OXR1: variants seen among roughly 807,000 people sequenced by gnomAD.
OXR1 encodes oxidation resistance 1, also known as oxidation resistance protein 1.
In OXR1, 41 loss-of-function variants were observed where a neutral mutation model predicts 104.6. That is an observed-to-expected ratio of 0.39 (90% CI 0.31 to 0.51). OXR1 has a LOEUF of 0.51. Among genes scored for constraint, OXR1 ranks in the 20% least tolerant of loss-of-function variants. The probability of loss-of-function intolerance (pLI) is 0.77; values close to 1 mark genes in which losing one functional copy is unlikely to be tolerated. For missense variants in OXR1, 955 were observed against 1,031.9 expected (o/e 0.93, Z 1.02); for synonymous variants, 348 against 348.4 (o/e 1.00, Z 0.01).
At chr8:106,536,226 AAAAGAAAGAAAG>A (rs144607017) in intron 3 of OXR1, among the ~76,000 whole-genome samples, 14 of 145,152 alleles carry the variant, frequency 9.6e-5, no homozygotes, top group Non-Finnish European at 1.4e-4. Flanking sequence ...TCTCAAAAAA[AAAAGAAAGAAAG>A]AAAGAAAGAA....
intron 2 of OXR1, among the ~76,000 whole-genome samples, chr8:106,409,846 C>T (rs1818392160): frequency 6.6e-6 from 1 of 152,088 alleles, no homozygotes. Flanking sequence ...TATTTTTATA[C>T]TTGATTTTTC....
intron 1 of OXR1, among the ~76,000 whole-genome samples, chr8:106,330,411 A>G (rs1814662188): frequency 6.6e-6 from 1 of 152,136 alleles, no homozygotes; most frequent in African/African-American, 2.4e-5. Flanking sequence ...TAGTGATTTT[A>G]CTGACAGCCT....
chr8:106,593,738 G>T (rs191881018), intron 3 of OXR1, among the ~76,000 whole-genome samples: 23 of 152,220 alleles, frequency 1.5e-4, no homozygotes, highest in South Asian at 4.1e-4. Flanking sequence ...ATCGCGCCAC[G>T]GCACTCCAGC....
intron 2 of OXR1, among the ~76,000 whole-genome samples, chr8:106,465,039 T>C (rs1821101412): frequency 6.6e-6 from 1 of 151,856 alleles, no homozygotes; most frequent in African/African-American, 2.4e-5. Flanking sequence ...CCTTAATATA[T>C]AGAGTATGTT....
Position 106,713,884 on chromosome 8 carries a change from G to A in OXR1, c.1855G>A (p.Gly619Ser), listed in dbSNP as rs764256682. 6.3e-7 allele frequency: 1 copy of A among 1,591,976 alleles called. No homozygotes were observed. Among genetic ancestry groups the A allele is most frequent in the South Asian group, 1.1e-5 (1 of 87,136 alleles). ...WSPEIYAEDT[G>S]EYTREPGFIV... ...TCCAGAAATATATGCAGAAGATACT[G>A]GCGAATATACCAGAGAACCTGGATT... is the stretch of plus-strand genomic sequence containing the variant. The change falls in exon 11 of 17, where the codon GGC (glycine) becomes AGC (serine). Residue 619 changes from glycine to serine, a missense_variant. Gly to Ser is a moderately conservative substitution (Grantham distance 56). Coordinates refer to ENST00000517566, the MANE Select transcript of OXR1 (RefSeq NM_001198533.2).
chr8:106,692,059 G>T (rs917613834), intron 6 of OXR1, among the ~76,000 whole-genome samples: 1 of 150,990 alleles, frequency 6.6e-6, no homozygotes, highest in Non-Finnish European at 1.5e-5. Flanking sequence ...TTTAAAAAAT[G>T]TTTTAATACC....
At chr8:106,551,290 T>C (rs1167026085) in intron 3 of OXR1, among the ~76,000 whole-genome samples, 1 of 152,184 alleles carries the variant, frequency 6.6e-6, no homozygotes, top group Non-Finnish European at 1.5e-5. Flanking sequence ...ATTGCTGTGA[T>C]TAGGGAATAT....
intron 1 of OXR1, among the ~76,000 whole-genome samples, chr8:106,283,730 T>C (rs576521560): frequency 9.8e-5 from 15 of 152,290 alleles, no homozygotes; most frequent in Non-Finnish European, 1.8e-4. Flanking sequence ...TTAATAAAGC[T>C]TATTTCTTTT....
chr8:106,339,519 A>ATATAT (rs1491207047), intron 1 of OXR1, among the ~76,000 whole-genome samples: 2 of 33,342 alleles, frequency 6.0e-5, no homozygotes, highest in Non-Finnish European at 1.1e-4. Context: ...AAAAAAAAAA[A>ATATAT]ATATATATAT....
chr8:106,574,480 T>C (rs1817688947), intron 3 of OXR1, among the ~76,000 whole-genome samples: 1 of 152,236 alleles, frequency 6.6e-6, no homozygotes, highest in South Asian at 2.1e-4. Context: ...TATCTCTCAT[T>C]GGCCACAAAC....
intron 2 of OXR1, among the ~76,000 whole-genome samples, chr8:106,376,132 C>T (rs1002259729): frequency 7.9e-5 from 12 of 152,202 alleles, no homozygotes; most frequent in Admixed American, 2.6e-4. Flanking sequence ...TTTTACTGGT[C>T]ACTGAGGAGT....
At chr8:106,518,251 G>A (rs74595075) in intron 2 of OXR1, among the ~76,000 whole-genome samples, 2,181 of 152,310 alleles carry the variant, frequency 0.014, 45 homozygotes, top group East Asian at 0.11. Flanking sequence ...AGGGCCAATA[G>A]TAAATTGGAC....
At chr8:106,712,553 T>TA (rs1371617141) in intron 10 of OXR1, among the ~76,000 whole-genome samples, 1 of 152,114 alleles carries the variant, frequency 6.6e-6, no homozygotes, top group African/African-American at 2.4e-5. Context: ...AAATTGGAGA[T>TA]ACGCGAATTG....
chr8:106,541,673 G>A (rs1814961907), intron 3 of OXR1, among the ~76,000 whole-genome samples: 1 of 152,276 alleles, frequency 6.6e-6, no homozygotes, highest in South Asian at 2.1e-4. Flanking sequence ...GCTGATACCT[G>A]AGAAGCAAGG....
intron 1 of OXR1, among the ~76,000 whole-genome samples, chr8:106,349,275 T>C (rs903419704): frequency 5.9e-5 from 9 of 152,202 alleles, no homozygotes; most frequent in African/African-American, 2.2e-4. Context: ...ATGTTCCCCA[T>C]TAAACACTGA....
At chr8:106,495,126 T>C (rs1811331957) in intron 2 of OXR1, among the ~76,000 whole-genome samples, 1 of 151,800 alleles carries the variant, frequency 6.6e-6, no homozygotes, top group African/African-American at 2.4e-5. Flanking sequence ...TGCATAGATA[T>C]ATAATAGTTA....
At chr8:106,648,259 G>A (rs1001071905) in intron 3 of OXR1, among the ~76,000 whole-genome samples, 1 of 152,006 alleles carries the variant, frequency 6.6e-6, no homozygotes, top group East Asian at 1.9e-4. Flanking sequence ...TAGGAGCTGG[G>A]GCAGGAATAA....
At chr8:106,747,432 C>A (rs1835483809) in intron 16 of OXR1, among the ~76,000 whole-genome samples, 2 of 152,198 alleles carry the variant, frequency 1.3e-5, no homozygotes, top group African/African-American at 4.8e-5. Flanking sequence ...CCTTCTGATA[C>A]CAGGAAGAAT....
intron 3 of OXR1, among the ~76,000 whole-genome samples, chr8:106,644,342 T>G (rs181287874): frequency 2.8e-4 from 42 of 152,370 alleles, no homozygotes; most frequent in Non-Finnish European, 5.1e-4. Context: ...CTTTAGCATA[T>G]TAATATATCA....
Sources: allele counts gnomAD v4.1 joint callset (sites outside exome capture counted in the v4.1 genomes callset), GRCh38; gene constraint gnomAD v4.1.1; transcripts MANE v1.5; gene names NCBI Gene and HGNC (gene_info 2026-07-23, HGNC 2026-07-21).